The following CLASP2 variants were observed in gnomAD, a reference collection of about 807,000 sequenced individuals.
CLASP2 encodes cytoplasmic linker associated protein 2.
Under a neutral mutation model 194.4 loss-of-function variants are expected in CLASP2, and 47 were observed. The observed-to-expected ratio is 0.24, with a 90% CI of 0.19 to 0.31. The LOEUF (loss-of-function observed/expected upper bound fraction) is 0.31. Ranked by LOEUF, CLASP2 falls within the 10% of genes least tolerant of loss-of-function variation. CLASP2 has a pLI of 1.00. For missense variants in CLASP2, 1,445 were observed against 1,823.6 expected (o/e 0.79, Z 3.78); for synonymous variants, 619 against 633.5 (o/e 0.98, Z 0.34).
At chr3:33,660,111 T>C (rs1048832295) in intron 7 of CLASP2, among the ~76,000 whole-genome samples, 1 of 152,196 alleles carries the variant, frequency 6.6e-6, no homozygotes, top group Non-Finnish European at 1.5e-5. Flanking sequence ...TTATGCATAG[T>C]TTTTTTCACA....
chr3:33,557,818 G>GT (rs1560017867), intron 29 of CLASP2, among the ~76,000 whole-genome samples: 1 of 152,168 alleles, frequency 6.6e-6, no homozygotes, highest in Non-Finnish European at 1.5e-5. Context: ...TATATTGAGT[G>GT]TAAGTTGTGA....
At chr3:33,535,509 T>A in intron 33 of CLASP2, 48 bp from the exon 34 acceptor site, 1 of 1,418,790 alleles carries the variant, frequency 7.0e-7, no homozygotes, top group African/African-American at 1.4e-5. Context: ...ATTTTTCAAG[T>A]ATCTATTTAA....
At chr3:33,678,591 A>C (rs1000376883) in intron 6 of CLASP2, among the ~76,000 whole-genome samples, 1 of 152,150 alleles carries the variant, frequency 6.6e-6, no homozygotes, top group African/African-American at 2.4e-5. Flanking sequence ...AGACTTTCTC[A>C]AAAAAAGATT....
intron 6 of CLASP2, among the ~76,000 whole-genome samples, chr3:33,678,309 C>T (rs1034635995): frequency 6.6e-6 from 1 of 152,044 alleles, no homozygotes; most frequent in African/African-American, 2.4e-5. Flanking sequence ...AAGAACTACA[C>T]TTACACATAT....
intron 8 of CLASP2, among the ~76,000 whole-genome samples, chr3:33,643,388 G>A (rs1039073290): frequency 1.3e-5 from 2 of 151,604 alleles, no homozygotes; most frequent in African/African-American, 4.8e-5. Flanking sequence ...GTTATAAAAG[G>A]AAGAAACCAA....
chr3:33,559,310 T>G lies in CLASP2; in HGVS notation c.3006A>C (p.Leu1002Phe). The G allele has an allele frequency of 6.4e-7, 1 of 1,558,768 alleles. No individual in the cohort carries two copies. The highest frequency in any genetic ancestry group is 8.8e-7 in the Non-Finnish European group (1 of 1,136,656). ...TCAAAAGATCTCAAAGTTTTACCTT[T>G]AAGCTTGGTGTCTGGGTCTGATCAA... ...FTVDQTQTPS[L>F]KVKVAILKYI... The change falls in exon 29 of 39, where the codon TTA becomes TTC. Residue 1002 changes from leucine to phenylalanine, a missense_variant. Physicochemically the swap from Leu to Phe is conservative, Grantham distance 22 (BLOSUM62 0). Coordinates refer to ENST00000682230, the MANE Select transcript of CLASP2 (RefSeq NM_001365631.1).
intron 32 of CLASP2, among the ~76,000 whole-genome samples, chr3:33,541,595 T>C (rs2058377248): frequency 1.3e-5 from 2 of 152,214 alleles, no homozygotes; most frequent in African/African-American, 2.4e-5. Flanking sequence ...ATTTTTTTGT[T>C]GTTGTTCTTG....
chr3:33,641,151 A>G (rs1044326164), intron 8 of CLASP2, among the ~76,000 whole-genome samples: 2 of 151,966 alleles, frequency 1.3e-5, no homozygotes, highest in African/African-American at 4.8e-5. Flanking sequence ...TTTAAATCTC[A>G]GAATCTTTCA....
chr3:33,567,307 T>G (rs2062920554), intron 26 of CLASP2, among the ~76,000 whole-genome samples: 2 of 152,250 alleles, frequency 1.3e-5, no homozygotes, highest in Admixed American at 1.3e-4. Context: ...ATCTAAAGAC[T>G]GCAGGCAGCT....
chr3:33,597,112 C>T (rs988252984), intron 18 of CLASP2, among the ~76,000 whole-genome samples: 9 of 152,104 alleles, frequency 5.9e-5, no homozygotes, highest in Non-Finnish European at 1.3e-4. Flanking sequence ...TAATATACCC[C>T]CAAATTCCAC....
intron 34 of CLASP2, among the ~76,000 whole-genome samples, chr3:33,526,052 C>T (rs947607789): frequency 1.0e-4 from 15 of 148,372 alleles, no homozygotes; most frequent in African/African-American, 3.0e-4. Context: ...TCCACCAAAG[C>T]GTGGGCAGGC....
intron 18 of CLASP2, among the ~76,000 whole-genome samples, chr3:33,601,120 G>A (rs375446133): frequency 1.3e-5 from 2 of 151,860 alleles, no homozygotes; most frequent in East Asian, 1.9e-4. Flanking sequence ...CACCACGCCC[G>A]GCTAGTTTTT....
intron 34 of CLASP2, among the ~76,000 whole-genome samples, chr3:33,524,584 G>A (rs2053996265): frequency 6.6e-6 from 1 of 152,180 alleles, no homozygotes; most frequent in Non-Finnish European, 1.5e-5. Flanking sequence ...CCCACAAGTT[G>A]AGGCTGCAGT....
intron 27 of CLASP2, among the ~76,000 whole-genome samples, chr3:33,564,747 T>C (rs2062383684): frequency 1.3e-5 from 2 of 152,092 alleles, no homozygotes; most frequent in South Asian, 2.1e-4. Flanking sequence ...TGCACCATCA[T>C]GTCCAGTTAA....
chr3:33,584,737 A>G lies in CLASP2; in HGVS notation c.2239+13T>C, dbSNP rs72854395. ...GTTACATGTCTCACATAAAAAAAAA[A>G]AAAAAATCTTACCCACTGAAAGCCT... On this transcript the variant is annotated intron_variant, in intron 22 of 38. Coordinates refer to ENST00000682230, the MANE Select transcript of CLASP2 (RefSeq NM_001365631.1). The G allele has an allele frequency of 0.088, 137,759 of 1,559,190 alleles. 6,388 individuals carry two copies. Among genetic ancestry groups the G allele is most frequent in the Admixed American group, 0.13 (5,737 of 45,566 alleles).
chr3:33,584,788 C>T lies in CLASP2; in HGVS notation c.2201G>A (p.Gly734Asp), dbSNP rs2066991835. ...AGATGGACTAGCCTCTCTGCTACAGCCCTGGCTCCGTGGTATCTTGCTTCT... is the reference window on the plus strand; with the variant it reads ...AGATGGACTAGCCTCTCTGCTACAGTCCTGGCTCCGTGGTATCTTGCTTCT... ...QKRSKIPRSQ[G>D]CSREASPSRL... The change falls in exon 22 of 39, where the codon GGC becomes GAC. Residue 734 changes from glycine (G) to aspartate (D), a missense_variant. Coordinates refer to ENST00000682230, the MANE Select transcript of CLASP2 (RefSeq NM_001365631.1). 1 of 1,613,012 alleles carries T rather than the reference C, an allele frequency of 6.2e-7. No individual in the cohort carries two copies. The highest frequency in any genetic ancestry group is 1.1e-5 in the South Asian group (1 of 91,046).
At chr3:33,674,038 AC>A (rs1426836302) in intron 6 of CLASP2, among the ~76,000 whole-genome samples, 1 of 152,204 alleles carries the variant, frequency 6.6e-6, no homozygotes, top group Non-Finnish European at 1.5e-5. Context: ...GATCAACGAG[AC>A]AGAAAGTCAA....
At position 33,608,643 on chromosome 3, in the gene CLASP2, G is replaced by A. The variant is rs934135390; in HGVS notation, c.1389-17C>T. The A allele has an allele frequency of 4.5e-6, 7 of 1,544,902 alleles. No homozygotes were observed. The highest frequency in any genetic ancestry group is 1.7e-4 in the Middle Eastern group (1 of 5,908). On this transcript the variant is annotated splice_polypyrimidine_tract_variant and intron_variant, in intron 13 of 38. Transcript: ENST00000682230. ...AATGAACGTCTGAAAAATAAAAGTTGAATGATAACTAAATGTTGTATTGAG... is the reference window on the plus strand; with the variant it reads ...AATGAACGTCTGAAAAATAAAAGTTAAATGATAACTAAATGTTGTATTGAG...
At chr3:33,498,797 A>C in intron 38 of CLASP2, 80 bp from the exon 39 acceptor site, 1 of 699,754 alleles carries the variant, frequency 1.4e-6, no homozygotes, top group Non-Finnish European at 2.4e-6. Context: ...TTATATACAT[A>C]TATGTGAGCT....
Sources: allele counts gnomAD v4.1 joint callset (sites outside exome capture counted in the v4.1 genomes callset), GRCh38; gene constraint gnomAD v4.1.1; transcripts MANE v1.5; gene names NCBI Gene and HGNC (gene_info 2026-07-23, HGNC 2026-07-21).